TENM3: variants seen among roughly 807,000 people sequenced by gnomAD.
TENM3 encodes teneurin-3.
TENM3 carries 63 observed loss-of-function variants against 255.1 expected under a neutral mutation model. That is an observed-to-expected ratio of 0.25 (90% CI 0.20 to 0.30). The LOEUF (loss-of-function observed/expected upper bound fraction) is 0.30. Among genes scored for constraint, TENM3 ranks in the 10% least tolerant of loss-of-function variants. The pLI is 1.00. For synonymous variants in TENM3, 1,306 were observed against 1,322.3 expected (o/e 0.99, Z 0.27); for missense variants, 2,929 against 3,461.1 (o/e 0.85, Z 3.86).
the TENM3 span, among the ~76,000 whole-genome samples, chr4:182,119,312 T>C: frequency 1.1e-4 from 16 of 152,286 alleles, 1 homozygote; most frequent in Admixed American, 1.0e-3. Flanking sequence ...TTCTCCTATA[T>C]ACACCAGGAA....
chr4:182,731,565 A>G (rs555872673), intron 16 of TENM3, among the ~76,000 whole-genome samples: 1 of 152,058 alleles, frequency 6.6e-6, no homozygotes, highest in Non-Finnish European at 1.5e-5. Context: ...TTCCAGTGCT[A>G]TCTTTAAATA....
At position 182,688,208 on chromosome 4, in the gene TENM3, G is replaced by C. The variant is rs375492680; in HGVS notation, c.2078G>C (p.Gly693Ala). 1.1e-5 allele frequency: 18 copies of C among 1,613,700 alleles called. No individual in the cohort carries two copies. Among genetic ancestry groups the C allele is most frequent in the East Asian group, 1.1e-4 (5 of 44,884 alleles). The change falls in exon 12 of 28, where the codon GGG (glycine) becomes GCG (alanine). Residue 693 changes from glycine (G) to alanine (A), a missense_variant. By Grantham distance (60) the Gly-to-Ala change is moderately conservative. Transcript: ENST00000511685. Reference protein sequence around the residue: ...VDCGSHGVCMGGTCRCEEGWT... With the variant: ...VDCGSHGVCMAGTCRCEEGWT... ...TGTGGCTCACACGGCGTTTGCATGGGGGGGACGTGTCGCTGTGAAGAAGGC... is the reference window on the plus strand; with the variant it reads ...TGTGGCTCACACGGCGTTTGCATGGCGGGGACGTGTCGCTGTGAAGAAGGC...
chr4:182,331,298 C>T (rs1763740113), intron 2 of TENM3, among the ~76,000 whole-genome samples: 1 of 152,158 alleles, frequency 6.6e-6, no homozygotes, highest in African/African-American at 2.4e-5. Context: ...GTAATCCCAG[C>T]ACTTTGGGAG....
rs1033159572 is a variant in TENM3 at position 182,365,913 on chromosome 4, C to T, written c.511+18984C>T. On this transcript the variant is annotated intron_variant, in intron 3 of 27. Coordinates refer to ENST00000511685, the MANE Select transcript of TENM3 (RefSeq NM_001080477.4). ...TACAGCCTGTTACTGTACAGAATAC[C>T]GCAGGCATTCATAACACAATGGTAT... Among the ~76,000 whole-genome samples the T allele has an allele frequency of 1.2e-4, 18 of 152,210 alleles. 1 individual carries two copies. The highest frequency in any genetic ancestry group is 3.4e-4 in the African/African-American group (14 of 41,526).
rs1561015960 is a variant in TENM3 at position 182,621,652 on chromosome 4, T to TAA, written c.750-6998_750-6997dup. ...AATATATAATATATAATACATATTA[T>TAA]AATATATAATATGTATTATATATAT... On this transcript the variant is annotated intron_variant, in intron 4 of 27. Coordinates refer to ENST00000511685, the MANE Select transcript of TENM3 (RefSeq NM_001080477.4). Among the ~76,000 whole-genome samples, 12 of 65,742 alleles carry TAA rather than the reference T, an allele frequency of 1.8e-4. 1 individual carries two copies. In the East Asian group the frequency reaches 2.6e-3, roughly 14 times the overall value. 43.1% of individuals were successfully genotyped at this position (65,742 alleles called of 152,430 possible).
At chr4:182,731,199 G>A in intron 16 of TENM3, 60 bp downstream of exon 16, 2 of 1,558,272 alleles carry the variant, frequency 1.3e-6, no homozygotes, top group Non-Finnish European at 1.7e-6. Context: ...TGTTTTGCCA[G>A]AGAATCTTAA....
At chr4:181,907,187 G>C in the TENM3 span, among the ~76,000 whole-genome samples, 1 of 152,130 alleles carries the variant, frequency 6.6e-6, no homozygotes, top group Non-Finnish European at 1.5e-5. Context: ...ATGCAGATAG[G>C]TATTTCTCTG....
chr4:182,286,368 G>C (rs188469052), intron 1 of TENM3, among the ~76,000 whole-genome samples: 1 of 152,326 alleles, frequency 6.6e-6, no homozygotes, highest in African/African-American at 2.4e-5. Context: ...CCACCTAACT[G>C]TTCAACCAGA....
intron 3 of TENM3, among the ~76,000 whole-genome samples, chr4:182,477,467 A>G (rs1001352176): frequency 2.0e-5 from 3 of 152,146 alleles, no homozygotes; most frequent in African/African-American, 7.2e-5. Flanking sequence ...TCAAGCCTAA[A>G]TTTATTTTTT....
chr4:181,568,393 T>G, the TENM3 span, among the ~76,000 whole-genome samples: 1 of 152,108 alleles, frequency 6.6e-6, no homozygotes, highest in Non-Finnish European at 1.5e-5. Context: ...GGTCTCACCA[T>G]GTTAGCCAGG....
At chr4:181,834,728 T>C in the TENM3 span, 144,909 of 152,338 alleles carry the variant, frequency 0.95, 69,346 homozygotes, top group Middle Eastern at 1. Flanking sequence ...TCCTTTTGAT[T>C]GGAGAACAAC....
chr4:181,528,656 A>G, the TENM3 span, among the ~76,000 whole-genome samples: 3 of 152,344 alleles, frequency 2.0e-5, no homozygotes, highest in East Asian at 5.8e-4. Flanking sequence ...AAATAAGGAA[A>G]GTGAGGCTGA....
At chr4:182,389,240 T>C (rs562930557) in intron 3 of TENM3, among the ~76,000 whole-genome samples, 14 of 152,160 alleles carry the variant, frequency 9.2e-5, no homozygotes, top group Non-Finnish European at 4.4e-5. Context: ...GTGTTTCCAC[T>C]AATCTGATCC....
At chr4:182,140,453 G>T, upstream of TENM3, among the ~76,000 whole-genome samples, 1 of 152,156 alleles carries the variant, frequency 6.6e-6, no homozygotes, top group East Asian at 1.9e-4. Flanking sequence ...TCGTTCCTAG[G>T]GTCTCTTGAG....
intron 4 of TENM3, among the ~76,000 whole-genome samples, chr4:182,619,916 C>CG (rs1749938683): frequency 6.6e-6 from 1 of 152,144 alleles, no homozygotes; most frequent in Non-Finnish European, 1.5e-5. Flanking sequence ...AAGAAGCCGC[C>CG]GCGGCTGCTG....
intron 17 of TENM3, 113 bp downstream of exon 17, chr4:182,737,188 G>A (rs1761235181): frequency 8.8e-7 from 1 of 1,130,402 alleles, no homozygotes; most frequent in South Asian, 1.5e-5. Flanking sequence ...AAGAGAATAA[G>A]GTTGTCCTAG....
At chr4:181,935,335 G>A in the TENM3 span, among the ~76,000 whole-genome samples, 3 of 152,294 alleles carry the variant, frequency 2.0e-5, no homozygotes, top group East Asian at 1.9e-4. Flanking sequence ...GAACGTAATC[G>A]TTTCATCTCC....
chr4:182,554,831 G>A (rs947463092), intron 3 of TENM3, among the ~76,000 whole-genome samples: 1 of 151,596 alleles, frequency 6.6e-6, no homozygotes, highest in Non-Finnish European at 1.5e-5. Flanking sequence ...TTGTCTTTTC[G>A]CAGCTTTAAT....
the TENM3 span, among the ~76,000 whole-genome samples, chr4:181,674,373 T>C: frequency 2.0e-5 from 3 of 151,914 alleles, no homozygotes; most frequent in Non-Finnish European, 4.4e-5. Flanking sequence ...TAGCTTAAGT[T>C]TTCAAAACTG....
Sources: allele counts gnomAD v4.1 joint callset (sites outside exome capture counted in the v4.1 genomes callset), GRCh38; gene constraint gnomAD v4.1.1; transcripts MANE v1.5; gene names NCBI Gene and HGNC (gene_info 2026-07-23, HGNC 2026-07-21).